The following MS4A14 variants were observed in gnomAD, a reference collection of about 807,000 sequenced individuals.
MS4A14 encodes the protein membrane-spanning 4-domains subfamily A member 14.
In MS4A14, 18 loss-of-function variants were observed where a neutral mutation model predicts 16.7. The observed-to-expected ratio is 1.08, with a 90% confidence interval of 0.75 to 1.60. The LOEUF (loss-of-function observed/expected upper bound fraction) is 1.60, where lower values mean the gene tolerates loss of function less well. Among genes scored for constraint, MS4A14 ranks in the 40% most tolerant of loss-of-function variants. MS4A14 has a pLI of 0.00. For missense variants in MS4A14, 812 were observed against 775.3 expected (o/e 1.05, Z -0.56); for synonymous variants, 305 against 289.4 (o/e 1.05, Z -0.55).
At chr11:60,400,262 T>C in intron 2 of MS4A14, 142 bp from the exon 3 acceptor site, 1 of 545,936 alleles carries the variant, frequency 1.8e-6, no homozygotes, top group Non-Finnish European at 3.3e-6. Flanking sequence ...ACGCCTACCT[T>C]CCCTACTCCC....
Position 60,400,347 on chromosome 11 carries a change from A to G in MS4A14, c.268-57A>G, listed in dbSNP as rs1400190456. 26 of 1,205,652 alleles carry G rather than the reference A, an allele frequency of 2.2e-5. No individual in the cohort carries two copies. In the Admixed American group the frequency reaches 5.2e-4, roughly 24 times the overall value. The allele number at this position is 1,205,652 out of a possible 1,614,324, so 74.7% of individuals were successfully genotyped here. ...ATTTTGCAAATCCAAGGGAAATTATACTGCAAGGTGGTCAAACACATCACC... is the reference window on the plus strand; with the variant it reads ...ATTTTGCAAATCCAAGGGAAATTATGCTGCAAGGTGGTCAAACACATCACC... On this transcript the variant is annotated intron_variant, in intron 2 of 4. Coordinates refer to ENST00000300187, the MANE Select transcript of MS4A14 (RefSeq NM_032597.5).
intron 4 of MS4A14, among the ~76,000 whole-genome samples, chr11:60,414,557 T>G (rs891303255): frequency 6.6e-6 from 1 of 152,042 alleles, no homozygotes; most frequent in Non-Finnish European, 1.5e-5. Flanking sequence ...AGTAACAACC[T>G]CCTAAAAATT....
At chr11:60,396,864 T>A in intron 1 of MS4A14, 148 bp downstream of exon 1, 3 of 811,346 alleles carry the variant, frequency 3.7e-6, no homozygotes, top group Non-Finnish European at 5.5e-6. Context: ...AAATTAGTAC[T>A]GATCTTTGAA....
At chr11:60,404,444 T>C in intron 4 of MS4A14, 1 of 428,440 alleles carries the variant, frequency 2.3e-6, no homozygotes, top group Non-Finnish European at 4.7e-6. Context: ...AGCCATTACT[T>C]AATGGCTTCC....
intron 2 of MS4A14, among the ~76,000 whole-genome samples, chr11:60,399,537 G>T (rs1489724295): frequency 2.0e-5 from 3 of 152,182 alleles, no homozygotes; most frequent in Non-Finnish European, 4.4e-5. Context: ...TTTTAAAGAG[G>T]ATAGTGACAC....
intron 4 of MS4A14, among the ~76,000 whole-genome samples, chr11:60,408,315 T>G (rs2085818264): frequency 6.6e-6 from 1 of 152,196 alleles, no homozygotes; most frequent in Non-Finnish European, 1.5e-5. Context: ...TGTGGTGAAA[T>G]ATATATAACA....
rs1160639114 is a variant in MS4A14 at position 60,415,479 on chromosome 11, C to A, written c.511C>A (p.Gln171Lys). The part of the protein sequence containing the change: ...LPSDVTQNSE[Q>K]PAPEENDQLQ... ...TTCGGATGTTACTCAAAATAGTGAACAACCTGCCCCAGAAGAAAATGATCA... is the reference window on the plus strand; with the variant it reads ...TTCGGATGTTACTCAAAATAGTGAAAAACCTGCCCCAGAAGAAAATGATCA... The change falls in exon 5 of 5, where the codon CAA becomes AAA. Residue 171 changes from glutamine to lysine, a missense_variant. Physicochemically the swap from Gln to Lys is moderately conservative, Grantham distance 53. Transcript: ENST00000300187. The A allele has an allele frequency of 6.2e-7, 1 of 1,612,722 alleles. No individual in the cohort carries two copies. Among genetic ancestry groups the A allele is most frequent in the Non-Finnish European group, 8.5e-7 (1 of 1,179,428 alleles).
chr11:60,413,915 G>A (rs1045646581), intron 4 of MS4A14, among the ~76,000 whole-genome samples: 8 of 152,064 alleles, frequency 5.3e-5, no homozygotes, highest in African/African-American at 1.9e-4. Flanking sequence ...GAAAGCACAG[G>A]ACCTCAGATT....
intron 4 of MS4A14, among the ~76,000 whole-genome samples, chr11:60,414,611 T>G (rs73481222): frequency 0.035 from 5,378 of 152,220 alleles, 266 homozygotes; most frequent in East Asian, 0.25. Context: ...GCAGGTTGTA[T>G]CAGATGTGGT....
At chr11:60,408,305 TGTG>T in intron 4 of MS4A14, among the ~76,000 whole-genome samples, 1 of 152,352 alleles carries the variant, frequency 6.6e-6, no homozygotes, top group South Asian at 2.1e-4. Flanking sequence ...TCTTTTGCAT[TGTG>T]GTGAAATATA....
Position 60,415,857 on chromosome 11 carries a change from C to G in MS4A14, c.889C>G (p.Gln297Glu). ...SQMQTKLLQDQAASLQVFPSH... is the reference protein window; with the variant it reads ...SQMQTKLLQDEAASLQVFPSH... ...AATGCAAACCAAGCTTCTGCAGGAC[C>G]AAGCTGCGTCACTCCAAGTTTTTCC... Residue 297 changes from glutamine to glutamate, a missense_variant, in exon 5 of 5, where the codon CAA (glutamine) becomes GAA (glutamate). Gln to Glu is a conservative substitution (Grantham distance 29, BLOSUM62 2). Transcript: ENST00000300187. The G allele has an allele frequency of 6.2e-7, 1 of 1,613,878 alleles. No individual in the cohort carries two copies. The highest frequency in any genetic ancestry group is 8.5e-7 in the Non-Finnish European group (1 of 1,179,910).
intron 4 of MS4A14, chr11:60,405,981 A>G: frequency 6.6e-7 from 1 of 1,516,940 alleles, no homozygotes; most frequent in Non-Finnish European, 8.8e-7. Flanking sequence ...GGACACAGTC[A>G]GATGAGGTGT....
intron 2 of MS4A14, among the ~76,000 whole-genome samples, chr11:60,399,497 A>G (rs1357806463): frequency 6.6e-6 from 1 of 152,212 alleles, no homozygotes; most frequent in African/African-American, 2.4e-5. Flanking sequence ...TGGAACTTCA[A>G]TGTGAAAGCA....
chr11:60,408,475 A>AT (rs1273434700), intron 4 of MS4A14, among the ~76,000 whole-genome samples: 2 of 152,072 alleles, frequency 1.3e-5, no homozygotes, highest in Non-Finnish European at 2.9e-5. Flanking sequence ...TCCCCTCCTG[A>AT]TTGCCCCTGG....
chr11:60,410,703 C>G (rs2085855958), intron 4 of MS4A14, among the ~76,000 whole-genome samples: 1 of 151,988 alleles, frequency 6.6e-6, no homozygotes, highest in Admixed American at 6.5e-5. Context: ...ATTCCTTTCC[C>G]CATTGAATAT....
chr11:60,416,844 G>A lies in MS4A14; in HGVS notation c.1876G>A (p.Ala626Thr), dbSNP rs754482439. The change falls in exon 5 of 5, where the codon GCC (alanine) becomes ACC (threonine). Residue 626 changes from alanine (A) to threonine (T), a missense_variant. Coordinates refer to ENST00000300187, the MANE Select transcript of MS4A14 (RefSeq NM_032597.5). ...GAAAGGACAATTCCAAAATGTTCAA[G>A]CCGAAGGACAGCAAGCTCAGGTGGA... ...SPKGQFQNVQ[A>T]EGQQAQVEKV... The A allele has an allele frequency of 6.2e-7, 1 of 1,613,742 alleles. No homozygotes were observed. The highest frequency in any genetic ancestry group is 8.5e-7 in the Non-Finnish European group (1 of 1,179,864).
At chr11:60,401,715 C>T (rs80270045) in intron 3 of MS4A14, among the ~76,000 whole-genome samples, 375 of 152,146 alleles carry the variant, frequency 2.5e-3, no homozygotes, top group Admixed American at 4.6e-3. Flanking sequence ...TTGTAAAGCC[C>T]AATACACATG....
intron 1 of MS4A14, 83 bp from the exon 2 acceptor site, chr11:60,397,769 T>C: frequency 3.7e-6 from 5 of 1,341,056 alleles, no homozygotes; most frequent in Non-Finnish European, 5.2e-6. Flanking sequence ...AGGTGTGCCA[T>C]GGAGGCACAC....
At chr11:60,397,243 G>A (rs2085639586) in intron 1 of MS4A14, among the ~76,000 whole-genome samples, 1 of 152,126 alleles carries the variant, frequency 6.6e-6, no homozygotes, top group Non-Finnish European at 1.5e-5. Context: ...AACCACTGCT[G>A]CTATTCTTTT....
Sources: allele counts gnomAD v4.1 joint callset (sites outside exome capture counted in the v4.1 genomes callset), GRCh38; gene constraint gnomAD v4.1.1; transcripts MANE v1.5; gene names NCBI Gene and HGNC (gene_info 2026-07-23, HGNC 2026-07-21).